The following KCNQ1 variants were observed in gnomAD, a reference collection of about 807,000 sequenced individuals.
KCNQ1 encodes the protein potassium voltage-gated channel subfamily Q member 1.
In KCNQ1, 49 loss-of-function variants were observed where a neutral mutation model predicts 72.4. That is an observed-to-expected ratio of 0.68 (90% CI 0.54 to 0.86). The LOEUF (loss-of-function observed/expected upper bound fraction) is 0.86, where lower values mean the gene tolerates loss of function less well. KCNQ1 is among the 40% of genes least tolerant of loss of function. The pLI, the probability that KCNQ1 is intolerant of heterozygous loss-of-function variation, is 0.00. For missense variants in KCNQ1, 790 were observed against 945.1 expected (o/e 0.84, Z 2.15); for synonymous variants, 450 against 412.6 (o/e 1.09, Z -1.10).
intron 10 of KCNQ1, chr11:2,638,869 G>A (rs1173871214): frequency 2.6e-5 from 4 of 152,120 alleles, no homozygotes; most frequent in Non-Finnish European, 4.4e-5. Context: ...TGTAGATTTG[G>A]TCTTTTCACA....
intron 6 of KCNQ1, among the ~76,000 whole-genome samples, chr11:2,581,499 C>T (rs544099693): frequency 6.6e-6 from 1 of 152,332 alleles, no homozygotes; most frequent in Non-Finnish European, 1.5e-5. Context: ...TCCGGTTCCC[C>T]CAGGGCCCCC....
rs1221462654 is a variant in KCNQ1 at position 2,572,072 on chromosome 11, G to GGA, written c.745_746dup (p.Leu250GlyfsTer14). 1 of 1,612,868 alleles carries GGA rather than the reference G, an allele frequency of 6.2e-7. No homozygotes were observed. ...CACGTCGACCGCCAGGGAGGCACCT[G>GGA]GAGGCTCCTGGGCTCCGTGGTCTTC... On this transcript the variant is annotated frameshift_variant, in exon 5 of 16. Coordinates refer to ENST00000155840, the MANE Select transcript of KCNQ1 (RefSeq NM_000218.3). LOFTEE classifies it high-confidence loss of function.
intron 15 of KCNQ1, among the ~76,000 whole-genome samples, chr11:2,789,968 G>T (rs1220489937): frequency 6.6e-6 from 1 of 152,148 alleles, no homozygotes; most frequent in Non-Finnish European, 1.5e-5. Flanking sequence ...CCCATCCTCG[G>T]ATAGGTTGCC....
At chr11:2,518,986 C>G (rs1847332609) in intron 1 of KCNQ1, among the ~76,000 whole-genome samples, 1 of 152,158 alleles carries the variant, frequency 6.6e-6, no homozygotes. Flanking sequence ...CACGCTCCTT[C>G]TGTGGTTTGT....
chr11:2,647,647 G>T lies in KCNQ1; in HGVS notation c.1394-14314G>T. 2.5e-6 allele frequency: 1 copy of T among 398,484 alleles called. No homozygotes were observed. The highest frequency in any genetic ancestry group is 4.4e-6 in the Non-Finnish European group (1 of 226,016). The allele number at this position is 398,484 out of a possible 1,614,324, so 24.7% of individuals were successfully genotyped here. A position where few individuals can be genotyped will look rare whatever the true frequency, so the allele number is the denominator to read the frequency against. On this transcript the variant is annotated intron_variant, in intron 10 of 15. Coordinates refer to ENST00000155840, the MANE Select transcript of KCNQ1 (RefSeq NM_000218.3). This position sits in a 1 kb window ranked among gnomAD's most constrained non-coding sequence, Gnocchi z 4.0. ...AATCCTGAGGTTTTCTTTACTGGGA[G>T]ACTTTATTACTGATACAATCTCATT...
chr11:2,779,565 C>T (rs1009316929), intron 15 of KCNQ1, among the ~76,000 whole-genome samples: 4 of 152,306 alleles, frequency 2.6e-5, no homozygotes, highest in African/African-American at 9.6e-5. Context: ...CCCGCCTTTC[C>T]CCGCCACTCC....
chr11:2,746,897 C>T lies in KCNQ1; in HGVS notation c.1515-21947C>T, dbSNP rs943777794. ...ACTGGGGACAGATCCAGGAAGGGACCTCCTGGGAATGAGGTCTGGCCTCTG... is the reference window on the plus strand; with the variant it reads ...ACTGGGGACAGATCCAGGAAGGGACTTCCTGGGAATGAGGTCTGGCCTCTG... On this transcript the variant is annotated intron_variant, in intron 11 of 15. Coordinates refer to ENST00000155840, the MANE Select transcript of KCNQ1 (RefSeq NM_000218.3). The surrounding 1 kb of genome is among the most constrained non-coding windows in gnomAD (Gnocchi z 5.9). Among the ~76,000 whole-genome samples, 1 of 152,240 alleles carries T rather than the reference C, an allele frequency of 6.6e-6. No individual in the cohort carries two copies. Among genetic ancestry groups the T allele is most frequent in the African/African-American group, 2.4e-5 (1 of 41,456 alleles).
chr11:2,679,781 T>G lies in KCNQ1; in HGVS notation c.1514+17700T>G, dbSNP rs1850357555. 1 of 398,512 alleles carries G rather than the reference T, an allele frequency of 2.5e-6. No individual in the cohort carries two copies. Among genetic ancestry groups the G allele is most frequent in the African/African-American group, 2.1e-5 (1 of 48,630 alleles). The allele number at this position is 398,512 out of a possible 1,614,324, so 24.7% of individuals were successfully genotyped here. On this transcript the variant is annotated intron_variant, in intron 11 of 15. Coordinates refer to ENST00000155840, the MANE Select transcript of KCNQ1 (RefSeq NM_000218.3). This position sits in a 1 kb window ranked among gnomAD's most constrained non-coding sequence, Gnocchi z 4.8. ...GTCCCTGCTGCACACTAGGGCCTGT[T>G]AGGCCAGTTGAGGGCTAGAGGAGCA...
rs1372431333 is a variant in KCNQ1 at position 2,712,310 on chromosome 11, A to G, written c.1514+50229A>G. ...CTGGTGACCCCTGCCTGGGGGAAGCAGACTCTAGCTGGGCAGCCTGGCCTC... is the reference window on the plus strand; with the variant it reads ...CTGGTGACCCCTGCCTGGGGGAAGCGGACTCTAGCTGGGCAGCCTGGCCTC... On this transcript the variant is annotated intron_variant, in intron 11 of 15. Transcript: ENST00000155840. This position sits in a 1 kb window ranked among gnomAD's most constrained non-coding sequence, Gnocchi z 6.4. Among the ~76,000 whole-genome samples the G allele has an allele frequency of 6.6e-6, 1 of 152,074 alleles. No individual in the cohort carries two copies. Among genetic ancestry groups the G allele is most frequent in the Non-Finnish European group, 1.5e-5 (1 of 68,006 alleles).
chr11:2,628,702 T>C (rs547734938), intron 10 of KCNQ1: 70 of 398,420 alleles, frequency 1.8e-4, no homozygotes, highest in Middle Eastern at 1.3e-3. Context: ...ATCTAAAAAA[T>C]TGTCACAAAA....
intron 8 of KCNQ1, 32 bp downstream of exon 8, chr11:2,585,339 A>G (rs1236012409): frequency 6.3e-7 from 1 of 1,586,642 alleles, no homozygotes; most frequent in Admixed American, 1.7e-5. Context: ...GGTCACTGTC[A>G]TTTTGGTCAC....
In KCNQ1 at chr11:2,651,128, C is replaced by T. The variant is rs1849750371; in HGVS notation, c.1394-10833C>T. 1 of 398,718 alleles carries T rather than the reference C, an allele frequency of 2.5e-6. No individual in the cohort carries two copies. Among genetic ancestry groups the T allele is most frequent in the East Asian group, 3.6e-5 (1 of 28,078 alleles). 24.7% of individuals were successfully genotyped at this position (398,718 alleles called of 1,614,324 possible). ...TTCCTGTACTCCATTCTTCACATAACAGCTCAAGGGAGTTCTTTAAATGTA... is the reference window on the plus strand; with the variant it reads ...TTCCTGTACTCCATTCTTCACATAATAGCTCAAGGGAGTTCTTTAAATGTA... On this transcript the variant is annotated intron_variant, in intron 10 of 15. Transcript: ENST00000155840. The surrounding 1 kb of genome is among the most constrained non-coding windows in gnomAD (Gnocchi z 6.1).
Position 2,710,781 on chromosome 11 carries a change from G to A in KCNQ1, c.1514+48700G>A, listed in dbSNP as rs1332699570. On this transcript the variant is annotated intron_variant, in intron 11 of 15. Coordinates refer to ENST00000155840, the MANE Select transcript of KCNQ1 (RefSeq NM_000218.3). This position sits in a 1 kb window ranked among gnomAD's most constrained non-coding sequence, Gnocchi z 4.1. ...TTGATACCCTTGTCAAAAATCAGTT[G>A]ACAGTAAATATGAAGGTTTATTTCT... Among the ~76,000 whole-genome samples the A allele has an allele frequency of 2.0e-5, 3 of 152,132 alleles. No homozygotes were observed. The highest frequency in any genetic ancestry group is 7.2e-5 in the African/African-American group (3 of 41,428).
Position 2,493,072 on chromosome 11 carries a change from C to T in KCNQ1, c.387-34856C>T, listed in dbSNP as rs539740734. On this transcript the variant is annotated intron_variant, in intron 1 of 15. Coordinates refer to ENST00000155840, the MANE Select transcript of KCNQ1 (RefSeq NM_000218.3). This position sits in a 1 kb window ranked among gnomAD's most constrained non-coding sequence, Gnocchi z 5.3. ...TTCTAACTGGCATGAGATGGTATCTCCTTGTGGTTTTGATTTGCATTTCTC... is the reference window on the plus strand; with the variant it reads ...TTCTAACTGGCATGAGATGGTATCTTCTTGTGGTTTTGATTTGCATTTCTC... Among the ~76,000 whole-genome samples, 3 of 152,302 alleles carry T rather than the reference C, an allele frequency of 2.0e-5. No individual in the cohort carries two copies. The East Asian group carries it at 5.8e-4, about 29-fold the overall frequency.
At chr11:2,722,472 A>G (rs1260846472) in intron 11 of KCNQ1, among the ~76,000 whole-genome samples, 1 of 152,056 alleles carries the variant, frequency 6.6e-6, no homozygotes, top group Non-Finnish European at 1.5e-5. Context: ...CACAAAGGAG[A>G]TCGGGAAGGT....
At chr11:2,580,964 C>T (rs1848490548) in intron 6 of KCNQ1, among the ~76,000 whole-genome samples, 1 of 152,248 alleles carries the variant, frequency 6.6e-6, no homozygotes, top group African/African-American at 2.4e-5. Flanking sequence ...TGAGCACTGC[C>T]TCAGGGCATT....
At chr11:2,756,951 TAAAAAAA>T (rs58284663) in intron 11 of KCNQ1, among the ~76,000 whole-genome samples, 12 of 50,986 alleles carry the variant, frequency 2.4e-4, no homozygotes, top group South Asian at 1.2e-3. Flanking sequence ...AAGAGCATCT[TAAAAAAA>T]AAAAAAAAAA....
In KCNQ1 at chr11:2,617,549, GGA is replaced by G. The variant is rs1220872661; in HGVS notation, c.1393+28698_1393+28699del. On this transcript the variant is annotated intron_variant, in intron 10 of 15. Transcript: ENST00000155840. This position sits in a 1 kb window ranked among gnomAD's most constrained non-coding sequence, Gnocchi z 4.6. ...AGGAGCGCAGATATCTTTATGAGGTGGAGATTTCATTTTCTTTGGGAATATAC... is the reference window on the plus strand; with the variant it reads ...AGGAGCGCAGATATCTTTATGAGGTGGATTTCATTTTCTTTGGGAATATAC... 5.0e-6 allele frequency: 2 copies of G among 398,276 alleles called. No individual in the cohort carries two copies. The highest frequency in any genetic ancestry group is 8.9e-6 in the Non-Finnish European group (2 of 225,952). 24.7% of individuals were successfully genotyped at this position (398,276 alleles called of 1,614,324 possible). A position where few individuals can be genotyped will look rare whatever the true frequency, so the allele number is the denominator to read the frequency against.
rs767352462 is a variant in KCNQ1, at chr11:2,725,320, G to A, written c.1515-43524G>A. Among the ~76,000 whole-genome samples, 9 of 152,348 alleles carry A rather than the reference G, an allele frequency of 5.9e-5. No homozygotes were observed. The highest frequency in any genetic ancestry group is 1.3e-4 in the Non-Finnish European group (9 of 68,034). On this transcript the variant is annotated intron_variant, in intron 11 of 15. Transcript: ENST00000155840. The surrounding 1 kb of genome is among the most constrained non-coding windows in gnomAD (Gnocchi z 7.2). ...CACGGGACCAGCGCTTGCCAGAAAT[G>A]TTCCCAGCTTTTTTGAGTTCGTGAG...
Sources: gnomAD v4.1 joint callset for allele counts (sites outside exome capture counted in the v4.1 genomes callset) on GRCh38, gnomAD v4.1.1 for gene constraint, Gnocchi (gnomAD v3.1) non-coding constraint, MANE v1.5 for transcripts, NCBI Gene and HGNC (gene_info 2026-07-23, HGNC 2026-07-21) for gene names.